The following GNG2 variants were observed in gnomAD, a reference collection of about 807,000 sequenced individuals.
GNG2 encodes G protein subunit gamma 2, also known as guanine nucleotide-binding protein G(I)/G(S)/G(O) subunit gamma-2.
A neutral mutation model predicts 5.5 loss-of-function variants in GNG2; 5 were observed. The observed-to-expected ratio is 0.91, with a 90% CI of 0.48 to 1.92. GNG2 has a LOEUF of 1.92. Among genes scored for constraint, GNG2 ranks in the 30% most tolerant of loss-of-function variants. GNG2 has a pLI of 0.01. For synonymous variants in GNG2, 28 were observed against 32.0 expected (o/e 0.88, Z 0.42); for missense variants, 55 against 88.4 (o/e 0.62, Z 1.52).
chr14:51,880,291 A>T (rs1180026362), intron 2 of GNG2, among the ~76,000 whole-genome samples: 1 of 152,192 alleles, frequency 6.6e-6, no homozygotes, highest in Non-Finnish European at 1.5e-5. Context: ...TTTTTATTTT[A>T]TGCTGTTATG....
chr14:51,837,359 A>G (rs1416728677), intron 2 of GNG2, among the ~76,000 whole-genome samples: 1 of 151,784 alleles, frequency 6.6e-6, no homozygotes, highest in Non-Finnish European at 1.5e-5. Context: ...TTAAAATATA[A>G]CTCGGCCAGG....
At chr14:51,918,067 C>T (rs759825238) in intron 2 of GNG2, among the ~76,000 whole-genome samples, 1 of 150,624 alleles carries the variant, frequency 6.6e-6, no homozygotes, top group Non-Finnish European at 1.5e-5. Context: ...GATAAAGAAG[C>T]CTCACTACAT....
intron 2 of GNG2, among the ~76,000 whole-genome samples, chr14:51,898,761 C>A (rs1362371985): frequency 1.3e-5 from 2 of 152,208 alleles, no homozygotes; most frequent in African/African-American, 4.8e-5. Context: ...GCTTCCCGGC[C>A]AACTGCTCCT....
At chr14:51,952,238 AT>A (rs1455337874) in intron 3 of GNG2, 1 of 247,036 alleles carries the variant, frequency 4.0e-6, no homozygotes, top group Non-Finnish European at 7.7e-6. Context: ...GTAAAATTTG[AT>A]GCCTAGTAAT....
At chr14:51,836,307 A>G (rs1881331565) in intron 2 of GNG2, among the ~76,000 whole-genome samples, 1 of 152,112 alleles carries the variant, frequency 6.6e-6, no homozygotes. Context: ...CACCCAATGC[A>G]TAGCAGTAGC....
chr14:51,950,512 C>T, intron 2 of GNG2, 138 bp from the exon 3 acceptor site: 2 of 577,740 alleles, frequency 3.5e-6, no homozygotes, highest in Non-Finnish European at 6.1e-6. Context: ...AGAGGTAATA[C>T]CGACCAAGGA....
At chr14:51,875,837 T>C (rs993602184) in intron 1 of GNG2, among the ~76,000 whole-genome samples, 1 of 151,442 alleles carries the variant, frequency 6.6e-6, no homozygotes, top group Non-Finnish European at 1.5e-5. Flanking sequence ...TATAATAAAA[T>C]AACCTTATTT....
chr14:51,960,091 A>G (rs1175595871), intron 3 of GNG2, among the ~76,000 whole-genome samples: 1 of 151,706 alleles, frequency 6.6e-6, no homozygotes, highest in African/African-American at 2.4e-5. Flanking sequence ...TTCACTCCCC[A>G]TATCTCTCTG....
chr14:51,888,198 T>A (rs1884597095), intron 2 of GNG2, among the ~76,000 whole-genome samples: 1 of 152,212 alleles, frequency 6.6e-6, no homozygotes, highest in Non-Finnish European at 1.5e-5. Context: ...CCATGCTGTA[T>A]GCATCAACTA....
chr14:51,883,416 T>A (rs964376671), intron 2 of GNG2, among the ~76,000 whole-genome samples: 1 of 152,210 alleles, frequency 6.6e-6, no homozygotes. Context: ...AACCTTTAAT[T>A]TCTTAGAAAA....
At chr14:51,872,838 T>C (rs2140124758) in intron 1 of GNG2, among the ~76,000 whole-genome samples, 1 of 152,360 alleles carries the variant, frequency 6.6e-6, no homozygotes, top group Non-Finnish European at 1.5e-5. Context: ...ATGCTGTTGT[T>C]TTGTAGATTT....
At chr14:51,862,200 A>G (rs1051741563) in intron 1 of GNG2, among the ~76,000 whole-genome samples, 2 of 152,110 alleles carry the variant, frequency 1.3e-5, no homozygotes, top group Non-Finnish European at 2.9e-5. Context: ...CTACTAAAGA[A>G]AAAAAAAGTC....
intron 1 of GNG2, among the ~76,000 whole-genome samples, chr14:51,869,032 G>A (rs1164138422): frequency 6.6e-6 from 1 of 152,162 alleles, no homozygotes; most frequent in East Asian, 1.9e-4. Context: ...CCTTATTCCT[G>A]TTTTGGGGAA....
At chr14:51,897,194 G>A (rs1400563883) in intron 2 of GNG2, among the ~76,000 whole-genome samples, 2 of 152,234 alleles carry the variant, frequency 1.3e-5, no homozygotes, top group Non-Finnish European at 2.9e-5. Context: ...AGGAATATAT[G>A]TTGTATACTG....
intron 2 of GNG2, among the ~76,000 whole-genome samples, chr14:51,944,412 C>G (rs79124945): frequency 6.6e-6 from 1 of 152,160 alleles, no homozygotes; most frequent in Non-Finnish European, 1.5e-5. Context: ...TATAAGAGTA[C>G]TAATATAATT....
At chr14:51,842,001 AG>A (rs1206915243) in intron 2 of GNG2, among the ~76,000 whole-genome samples, 5 of 152,214 alleles carry the variant, frequency 3.3e-5, no homozygotes, top group African/African-American at 1.2e-4. Context: ...TGTCTAATGA[AG>A]TTTCTAAGTC....
intron 2 of GNG2, among the ~76,000 whole-genome samples, chr14:51,922,110 A>G (rs1003165837): frequency 1.3e-5 from 2 of 152,198 alleles, no homozygotes; most frequent in Non-Finnish European, 2.9e-5. Context: ...CTGTGTGTAT[A>G]TGCGTGTTTG....
intron 2 of GNG2, among the ~76,000 whole-genome samples, chr14:51,945,634 T>C (rs1021006048): frequency 6.6e-5 from 10 of 152,216 alleles, no homozygotes; most frequent in African/African-American, 2.4e-4. Context: ...AGTATACGTG[T>C]ATTTAATACC....
intron 2 of GNG2, among the ~76,000 whole-genome samples, chr14:51,839,235 GAC>G (rs1350115186): frequency 6.6e-6 from 1 of 152,220 alleles, no homozygotes; most frequent in Non-Finnish European, 1.5e-5. Context: ...GGAGACATGA[GAC>G]ATCAATCAAC....
Sources: allele counts gnomAD v4.1 joint callset (sites outside exome capture counted in the v4.1 genomes callset), GRCh38; gene constraint gnomAD v4.1.1; transcripts MANE v1.5; gene names NCBI Gene and HGNC (gene_info 2026-07-23, HGNC 2026-07-21).